The following FRMPD4 variants were observed in gnomAD, a reference collection of about 807,000 sequenced individuals.
FRMPD4 encodes the protein FERM and PDZ domain-containing protein 4.
In FRMPD4, 22 loss-of-function variants were observed where a neutral mutation model predicts 94.1. That is an observed-to-expected ratio of 0.23 (90% CI 0.17 to 0.33). The LOEUF (loss-of-function observed/expected upper bound fraction) is 0.33. Among genes scored for constraint, FRMPD4 ranks in the 10% least tolerant of loss-of-function variants. The pLI, the probability that FRMPD4 is intolerant of heterozygous loss-of-function variation, is 1.00. For missense variants in FRMPD4, 1,111 were observed against 1,339.9 expected (o/e 0.83, Z 2.67); for synonymous variants, 631 against 548.6 (o/e 1.15, Z -2.10).
At chrX:12,648,238 C>T (rs1217271775) in intron 4 of FRMPD4, among the ~76,000 whole-genome samples, 1 of 111,819 alleles carries the variant, frequency 8.9e-6, no homozygotes, top group East Asian at 2.8e-4. Flanking sequence ...TCGTAGACTT[C>T]TCTCACCCAA....
intron 1 of FRMPD4, among the ~76,000 whole-genome samples, chrX:12,330,579 C>T (rs751846528): frequency 1.3e-4 from 15 of 111,261 alleles, no homozygotes; most frequent in Admixed American, 1.9e-4. Context: ...GTGGTGGGGA[C>T]GCACTGGATT....
intron 1 of FRMPD4, among the ~76,000 whole-genome samples, chrX:12,351,952 C>T (rs1002187120): frequency 1.8e-5 from 2 of 112,259 alleles, no homozygotes; most frequent in African/African-American, 6.5e-5. Flanking sequence ...ATTGTGCTGA[C>T]GTGAACATCC....
chrX:12,254,093 T>C (rs2018110), intron 1 of FRMPD4, among the ~76,000 whole-genome samples: 2,796 of 111,808 alleles, frequency 0.025, 211 homozygotes, highest in East Asian at 0.21. Flanking sequence ...CAAAAGTGGC[T>C]GTAGTTAGCC....
chrX:11,930,234 G>A (rs1305651972), intron 3 of FRMPD4, among the ~76,000 whole-genome samples: 1 of 110,265 alleles, frequency 9.1e-6, no homozygotes, highest in Non-Finnish European at 1.9e-5. Context: ...AGCCTGCATT[G>A]GGCTAGGGAT....
At chrX:12,008,368 C>T (rs769138322) in intron 3 of FRMPD4, among the ~76,000 whole-genome samples, 1 of 111,860 alleles carries the variant, frequency 8.9e-6, no homozygotes, top group South Asian at 3.8e-4. Flanking sequence ...GACATCAGGA[C>T]TTTAGGCACA....
chrX:12,392,221 G>T (rs1462629759), intron 1 of FRMPD4, among the ~76,000 whole-genome samples: 1 of 106,418 alleles, frequency 9.4e-6, no homozygotes, highest in Non-Finnish European at 1.9e-5. Context: ...TTGTATTTTG[G>T]GTAGAAACGG....
chrX:11,839,014 G>A (rs2053517498), intron 1 of FRMPD4, among the ~76,000 whole-genome samples: 1 of 111,569 alleles, frequency 9.0e-6, no homozygotes, highest in African/African-American at 3.3e-5. Flanking sequence ...TAGAATTGCT[G>A]GCTTGTATAT....
intron 1 of FRMPD4, among the ~76,000 whole-genome samples, chrX:11,851,241 G>C (rs184283574): frequency 9.3e-4 from 104 of 111,869 alleles, no homozygotes; most frequent in Non-Finnish European, 1.8e-3. Flanking sequence ...TTGCTGAAAT[G>C]GTTGTTGTTT....
At chrX:11,851,108 G>C (rs993269951) in intron 1 of FRMPD4, among the ~76,000 whole-genome samples, 2 of 111,868 alleles carry the variant, frequency 1.8e-5, no homozygotes, top group Admixed American at 1.9e-4. Context: ...GGGGTGGAAA[G>C]GTGCTAGAGG....
intron 1 of FRMPD4, among the ~76,000 whole-genome samples, chrX:12,201,345 G>A (rs1202184949): frequency 8.9e-6 from 1 of 112,052 alleles, no homozygotes; most frequent in African/African-American, 3.2e-5. Context: ...CATGTTTTTA[G>A]TAAATCCTTC....
intron 1 of FRMPD4, among the ~76,000 whole-genome samples, chrX:12,406,428 A>G (rs745800468): frequency 2.9e-4 from 32 of 112,122 alleles, no homozygotes; most frequent in African/African-American, 1.0e-3. Flanking sequence ...TTTCGATGTT[A>G]GAGGGAAAAA....
At chrX:12,278,734 C>T (rs923422340) in intron 1 of FRMPD4, among the ~76,000 whole-genome samples, 11 of 111,071 alleles carry the variant, frequency 9.9e-5, no homozygotes, top group African/African-American at 3.3e-4. Flanking sequence ...CAGGGCTGGC[C>T]GGAAGTGGTG....
chrX:12,152,190 A>G (rs917166614), intron 1 of FRMPD4, among the ~76,000 whole-genome samples: 1 of 111,805 alleles, frequency 8.9e-6, no homozygotes, highest in Non-Finnish European at 1.9e-5. Flanking sequence ...AAATTATGCA[A>G]TATTCCCTCT....
chrX:12,277,347 G>T, intron 1 of FRMPD4, among the ~76,000 whole-genome samples: 1 of 111,699 alleles, frequency 9.0e-6, no homozygotes, highest in Non-Finnish European at 1.9e-5. Context: ...TGATATGGGA[G>T]CCCTCATAGG....
chrX:12,568,765 G>A (rs2058735817), intron 2 of FRMPD4, among the ~76,000 whole-genome samples: 1 of 111,966 alleles, frequency 8.9e-6, no homozygotes, highest in Admixed American at 9.5e-5. Context: ...TAAATTAGCA[G>A]TGAAAAGTAT....
At position 12,076,327 on chromosome X, in the gene FRMPD4, C is replaced by CGTGTGTGT. The variant is rs34558552; in HGVS notation, c.95+198332_95+198339dup. 5.5e-3 allele frequency among the ~76,000 whole-genome samples: 540 copies of CGTGTGTGT among 98,130 alleles called. 6 individuals carry two copies. The highest frequency in any genetic ancestry group is 0.019 in the African/African-American group (502 of 26,363). 85.2% of individuals were successfully genotyped at this position (98,130 alleles called of 115,157 possible). The stretch of plus-strand genomic sequence containing the variant: ...AACTGCAGCTTAAACCCTAGCAAAA[C>CGTGTGTGT]GTGTGTGTGTGTGTGTGTGTGTGTG... On this transcript the variant is annotated intron_variant, in intron 3 of 18. Transcript: ENST00000640291.
chrX:12,071,731 C>T (rs749108930), intron 3 of FRMPD4, among the ~76,000 whole-genome samples: 4 of 111,505 alleles, frequency 3.6e-5, no homozygotes, highest in Middle Eastern at 4.6e-3. Flanking sequence ...ACAAGCCACC[C>T]GTGTCTGCTA....
At chrX:12,351,327 C>T (rs1033933505) in intron 1 of FRMPD4, among the ~76,000 whole-genome samples, 1 of 110,775 alleles carries the variant, frequency 9.0e-6, no homozygotes, top group Non-Finnish European at 1.9e-5. Context: ...CCCCTGCCCC[C>T]CCATTAAAAA....
intron 2 of FRMPD4, among the ~76,000 whole-genome samples, chrX:12,517,121 T>G (rs1237272137): frequency 3.6e-5 from 4 of 110,494 alleles, no homozygotes; most frequent in Admixed American, 2.9e-4. Context: ...TTTATCATGA[T>G]TCTTAGCTTC....
Sources: gnomAD v4.1 joint callset for allele counts (sites outside exome capture counted in the v4.1 genomes callset) on GRCh38, gnomAD v4.1.1 for gene constraint, MANE v1.5 for transcripts, NCBI Gene and HGNC (gene_info 2026-07-23, HGNC 2026-07-21) for gene names.